Variants in A1CF observed in about 807,000 individuals in gnomAD.
A1CF encodes APOBEC-1 stimulating protein.
A1CF carries 48 observed loss-of-function variants against 68.9 expected under a neutral mutation model. That is an observed-to-expected ratio of 0.70 (90% CI 0.55 to 0.89). A1CF has a LOEUF of 0.89. Ranked by LOEUF, A1CF falls within the 40% of genes least tolerant of loss-of-function variation. The pLI is 0.00. For synonymous variants in A1CF, 272 were observed against 260.4 expected, an observed-to-expected ratio of 1.04 and a Z score of -0.43; for missense variants, 653 against 718.9, an observed-to-expected ratio of 0.91 and a Z score of 1.05.
chr10:50,850,717 T>C (rs1279728623), intron 3 of A1CF: 4 of 1,614,044 alleles, frequency 2.5e-6, no homozygotes, highest in Middle Eastern at 1.6e-4. Context: ...ATTTCCTTTT[T>C]TGAGGCCAGG....
chr10:50,878,816 A>G (rs962510611), intron 1 of A1CF, among the ~76,000 whole-genome samples: 4 of 152,228 alleles, frequency 2.6e-5, no homozygotes, highest in African/African-American at 9.6e-5. Flanking sequence ...ATTTAATGAG[A>G]AAACTAGACA....
chr10:50,841,349 G>T (rs1294160441), intron 5 of A1CF, among the ~76,000 whole-genome samples: 1 of 152,070 alleles, frequency 6.6e-6, no homozygotes, highest in Non-Finnish European at 1.5e-5. Context: ...CTTTATACTT[G>T]ATGTTCTCTC....
In A1CF at chr10:50,818,000, C is replaced by A. The variant is rs1053416577; in HGVS notation, c.868-1721G>T. Among the ~76,000 whole-genome samples, 16 of 152,150 alleles carry A rather than the reference C, an allele frequency of 1.1e-4. 1 individual carries two copies. Among genetic ancestry groups the A allele is most frequent in the African/African-American group, 3.6e-4 (15 of 41,450 alleles). On this transcript the variant is annotated intron_variant, in intron 8 of 12. Coordinates refer to ENST00000373997, the MANE Select transcript of A1CF (RefSeq NM_014576.4). ...TCTCTGAATAGGCTTCCCTTCCTGA[C>A]TTTCATAACAACCTACCATATTGGA...
intron 8 of A1CF, 120 bp downstream of exon 8, chr10:50,820,432 T>C: frequency 2.7e-6 from 2 of 728,188 alleles, no homozygotes; most frequent in South Asian, 2.0e-5. Context: ...TTAAATGGAC[T>C]GAGGCAGCCA....
chr10:50,835,701 T>C (rs944456844), intron 6 of A1CF, among the ~76,000 whole-genome samples: 5 of 152,218 alleles, frequency 3.3e-5, no homozygotes, highest in African/African-American at 9.6e-5. Flanking sequence ...CTTGAGGTTT[T>C]TATTTCTACA....
At position 50,842,154 on chromosome 10, in the gene A1CF, G is replaced by A. The variant is rs565347045; in HGVS notation, c.235-162C>T. On this transcript the variant is annotated intron_variant, in intron 4 of 12. Coordinates refer to ENST00000373997, the MANE Select transcript of A1CF (RefSeq NM_014576.4). The stretch of plus-strand genomic sequence containing the variant: ...ATTTGCATCCCATGTGGAATGGTTT[G>A]CATATTTTCATGTGGGTTCAGATCA... 3.9e-5 allele frequency among the ~76,000 whole-genome samples: 6 copies of A among 152,300 alleles called. No individual in the cohort carries two copies. The South Asian group carries it at 1.2e-3, about 32-fold the overall frequency.
intron 6 of A1CF, 47 bp from the exon 7 acceptor site, chr10:50,828,342 C>T: frequency 7.1e-7 from 1 of 1,406,528 alleles, no homozygotes; most frequent in Non-Finnish European, 9.5e-7. Flanking sequence ...GGAATCAGGA[C>T]AACATCATCT....
At chr10:50,809,841 G>T (rs747149839) in intron 12 of A1CF, 53 bp downstream of exon 12, 32 of 1,603,658 alleles carry the variant, frequency 2.0e-5, no homozygotes, top group African/African-American at 2.7e-5. Flanking sequence ...ACCAAAAAAG[G>T]GTTTCCCAAA....
Position 50,817,711 on chromosome 10 carries a change from C to T in A1CF, c.868-1432G>A, listed in dbSNP as rs1838438627. ...ATAGGTCTCTGCTTATAGGCACTTC[C>T]ATATCAAGAGATGTTTTGCATGGAA... On this transcript the variant is annotated intron_variant, in intron 8 of 12. Coordinates refer to ENST00000373997, the MANE Select transcript of A1CF (RefSeq NM_014576.4). Among the ~76,000 whole-genome samples, 4 of 152,132 alleles carry T rather than the reference C, an allele frequency of 2.6e-5. No individual in the cohort carries two copies. The South Asian group carries it at 8.3e-4, about 32-fold the overall frequency.
chr10:50,802,819 T>G lies in A1CF; in HGVS notation c.*3910A>C, dbSNP rs1288596931. The stretch of plus-strand genomic sequence containing the variant: ...CTAAGAACCTCCCTGTCTATGTGGA[T>G]TCTAACTGTGGCCCAGTTGTCCAAG... On this transcript the variant is annotated 3_prime_UTR_variant, in exon 13 of 13. Coordinates refer to ENST00000373997, the MANE Select transcript of A1CF (RefSeq NM_014576.4). The G allele has an allele frequency of 1.3e-5, 2 of 152,222 alleles. No homozygotes were observed. The highest frequency in any genetic ancestry group is 2.9e-5 in the Non-Finnish European group (2 of 68,036). The allele number at this position is 152,222 out of a possible 1,614,324, so 9.4% of individuals were successfully genotyped here. A position where few individuals can be genotyped will look rare whatever the true frequency, so the allele number is the denominator to read the frequency against.
chr10:50,809,906 T>C lies in A1CF; in HGVS notation c.1597A>G (p.Thr533Ala), dbSNP rs879195471. 6.2e-7 allele frequency: 1 copy of C among 1,602,174 alleles called. No individual in the cohort carries two copies. The highest frequency in any genetic ancestry group is 1.1e-5 in the South Asian group (1 of 90,148). The part of the protein sequence containing the change: ...GTMATAAAAA[T>A]AFPGYAVPNA... ...AATTTTCCCATACCTGGGAAAGCAG[T>C]AGCAGCAGCAGCAGCAGTAGCCATG... Residue 533 changes from threonine to alanine, a missense_variant, in exon 12 of 13, where the codon ACT (threonine) becomes GCT (alanine). Physicochemically the swap from Thr to Ala is moderately conservative, Grantham distance 58. Transcript: ENST00000373997.
intron 6 of A1CF, 103 bp downstream of exon 6, chr10:50,835,971 G>A (rs1417846092): frequency 1.4e-5 from 15 of 1,065,450 alleles, no homozygotes; most frequent in Middle Eastern, 6.2e-4. Context: ...TTAAAATACA[G>A]CGTAATGAAA....
intron 3 of A1CF, among the ~76,000 whole-genome samples, chr10:50,852,902 C>T (rs12769066): frequency 0.23 from 34,796 of 151,940 alleles, 4,644 homozygotes; most frequent in East Asian, 0.44. Flanking sequence ...TATCTCAAAC[C>T]GGAAAGATGG....
intron 1 of A1CF, among the ~76,000 whole-genome samples, chr10:50,882,421 G>A (rs770418141): frequency 1.3e-5 from 2 of 152,028 alleles, no homozygotes; most frequent in Non-Finnish European, 2.9e-5. Flanking sequence ...GCAACAGAAC[G>A]ATACTCCATC....
At chr10:50,863,402 A>T (rs1409077038) in intron 2 of A1CF, among the ~76,000 whole-genome samples, 3 of 152,352 alleles carry the variant, frequency 2.0e-5, no homozygotes, top group South Asian at 4.1e-4. Context: ...ATTATGAAAG[A>T]ATAGTTCTTA....
chr10:50,832,262 T>C (rs1349800968), intron 6 of A1CF, among the ~76,000 whole-genome samples: 1 of 152,186 alleles, frequency 6.6e-6, no homozygotes, highest in East Asian at 1.9e-4. Flanking sequence ...AGTGGGAGTG[T>C]TAATACCATG....
Position 50,824,754 on chromosome 10 carries a change from C to T in A1CF, c.769+3377G>A, listed in dbSNP as rs374931205. Among the ~76,000 whole-genome samples, 54 of 152,292 alleles carry T rather than the reference C, an allele frequency of 3.5e-4. 2 individuals are homozygous for T. The South Asian group carries it at 9.9e-3, about 28-fold the overall frequency. On this transcript the variant is annotated intron_variant, in intron 7 of 12. Transcript: ENST00000373997. ...TTTTAAGAACATGCCCTTTACCAGA[C>T]CTGAGTTCAAATCCAGGATCTGCGA...
At chr10:50,813,763 G>A in intron 10 of A1CF, 94 bp downstream of exon 10, 1 of 1,342,700 alleles carries the variant, frequency 7.4e-7, no homozygotes, top group Non-Finnish European at 1.0e-6. Context: ...AAAACCCATA[G>A]CTTGAGTAGG....
intron 3 of A1CF, among the ~76,000 whole-genome samples, chr10:50,859,391 T>C (rs1404503691): frequency 2.6e-5 from 4 of 152,200 alleles, no homozygotes; most frequent in African/African-American, 9.6e-5. Flanking sequence ...GATGAGCAAG[T>C]GTTCTGAGAG....
Sources: allele counts gnomAD v4.1 joint callset (sites outside exome capture counted in the v4.1 genomes callset), GRCh38; gene constraint gnomAD v4.1.1; transcripts MANE v1.5; gene names NCBI Gene and HGNC (gene_info 2026-07-23, HGNC 2026-07-21).